PTGER4: variants seen among roughly 807,000 people sequenced by gnomAD.
PTGER4 encodes the protein prostaglandin E receptor 4.
A neutral mutation model predicts 33.2 loss-of-function variants in PTGER4; 11 were observed. The observed-to-expected ratio is 0.33, with a 90% CI of 0.21 to 0.55. PTGER4 has a LOEUF of 0.55. Ranked by LOEUF, PTGER4 falls within the 20% of genes least tolerant of loss-of-function variation. The pLI is 0.92. For synonymous variants in PTGER4, 275 were observed against 281.5 expected (o/e 0.98, Z 0.23); for missense variants, 481 against 650.2 (o/e 0.74, Z 2.83).
At chr5:40,697,583 C>A (rs528625539), downstream of PTGER4, among the ~76,000 whole-genome samples, 79 of 94,724 alleles carry the variant, frequency 8.3e-4, no homozygotes, top group African/African-American at 1.2e-3. Flanking sequence ...AATTCCATCT[C>A]AAAAAAAAAA....
the PTGER4 span, among the ~76,000 whole-genome samples, chr5:40,730,601 C>T: frequency 6.6e-6 from 1 of 152,098 alleles, no homozygotes; most frequent in Non-Finnish European, 1.5e-5. Context: ...CCTCATTGCC[C>T]CCTCCTCCAC....
chr5:40,740,939 T>A, the PTGER4 span, among the ~76,000 whole-genome samples: 1 of 152,360 alleles, frequency 6.6e-6, no homozygotes, highest in East Asian at 1.9e-4. Flanking sequence ...TTCCTTTTTT[T>A]AATATATCTT....
At chr5:40,741,224 C>A in the PTGER4 span, among the ~76,000 whole-genome samples, 1 of 152,146 alleles carries the variant, frequency 6.6e-6, no homozygotes, top group African/African-American at 2.4e-5. Flanking sequence ...TCAGTTTGAA[C>A]CCTTCAAAAA....
At chr5:40,712,338 C>T in the PTGER4 span, among the ~76,000 whole-genome samples, 2 of 152,040 alleles carry the variant, frequency 1.3e-5, no homozygotes, top group Non-Finnish European at 2.9e-5. Context: ...ATGCTTACTT[C>T]GAAATATAAT....
At chr5:40,709,409 A>G in the PTGER4 span, among the ~76,000 whole-genome samples, 1 of 152,234 alleles carries the variant, frequency 6.6e-6, no homozygotes, top group Non-Finnish European at 1.5e-5. Flanking sequence ...ACAGAGCCAA[A>G]TCATGAGTGA....
chr5:40,736,841 T>C, the PTGER4 span, among the ~76,000 whole-genome samples: 3 of 152,136 alleles, frequency 2.0e-5, no homozygotes, highest in Admixed American at 1.3e-4. Context: ...AGTTGGGATT[T>C]GAATGGAGGT....
At chr5:40,684,743 A>C (rs1011588947) in intron 2 of PTGER4, among the ~76,000 whole-genome samples, 1 of 152,220 alleles carries the variant, frequency 6.6e-6, no homozygotes, top group Non-Finnish European at 1.5e-5. Flanking sequence ...TATGATCTAC[A>C]AGGAACATCA....
At chr5:40,738,483 AC>A in the PTGER4 span, among the ~76,000 whole-genome samples, 2 of 138,590 alleles carry the variant, frequency 1.4e-5, no homozygotes, top group African/African-American at 5.4e-5. Context: ...ACAATACAAT[AC>A]AATACAATAC....
the PTGER4 span, among the ~76,000 whole-genome samples, chr5:40,724,853 ATTT>A: frequency 2.8e-4 from 39 of 138,130 alleles, no homozygotes; most frequent in Admixed American, 3.6e-4. Context: ...TTACAAGTGG[ATTT>A]TTTTTTTTTT....
In PTGER4 at chr5:40,680,083, G is replaced by C. The variant is rs1265776830; in HGVS notation, c.-439G>C. ...CCAGTAGCCGCCCGTGCTGCCCGTG[G>C]CTGGGGCGGAGGGCAGCCAGAGCTG... On this transcript the variant is annotated 5_prime_UTR_variant, in exon 1 of 3. Coordinates refer to ENST00000302472, the MANE Select transcript of PTGER4 (RefSeq NM_000958.3). The surrounding 1 kb of genome is among the most constrained non-coding windows in gnomAD (Gnocchi z 5.5). 3 of 152,390 alleles carry C rather than the reference G, an allele frequency of 2.0e-5. No homozygotes were observed. The highest frequency in any genetic ancestry group is 1.3e-4 in the Admixed American group (2 of 15,292). The allele number at this position is 152,390 out of a possible 1,614,324, so 9.4% of individuals were successfully genotyped here. A position where few individuals can be genotyped will look rare whatever the true frequency, so the allele number is the denominator to read the frequency against.
chr5:40,696,976 GAGAGAA>G (rs1265859569), downstream of PTGER4, among the ~76,000 whole-genome samples: 3 of 144,302 alleles, frequency 2.1e-5, no homozygotes, highest in South Asian at 2.2e-4. Context: ...GAAAGAGAGA[GAGAGAA>G]AGAGAGAAAG....
At chr5:40,737,330 T>C in the PTGER4 span, among the ~76,000 whole-genome samples, 1 of 151,678 alleles carries the variant, frequency 6.6e-6, no homozygotes, top group African/African-American at 2.4e-5. Flanking sequence ...GGACTTCTGC[T>C]ACTATCCTAC....
the PTGER4 span, chr5:40,716,363 CT>C: frequency 6.2e-7 from 1 of 1,614,174 alleles, no homozygotes; most frequent in Non-Finnish European, 8.5e-7. Flanking sequence ...GTTACTTCAG[CT>C]GGTGCTTCAC....
chr5:40,738,474 C>A, the PTGER4 span, among the ~76,000 whole-genome samples: 9 of 127,580 alleles, frequency 7.1e-5, no homozygotes, highest in Middle Eastern at 3.4e-3. Flanking sequence ...CAATACAATA[C>A]AATACAATAC....
intron 2 of PTGER4, among the ~76,000 whole-genome samples, chr5:40,682,795 G>A (rs1490809002): frequency 6.6e-6 from 1 of 152,178 alleles, no homozygotes; most frequent in Non-Finnish European, 1.5e-5. Context: ...GCCAGACCCA[G>A]CTCATGTGTT....
rs1382548294 is a variant in PTGER4 at position 40,681,794 on chromosome 5, G to A, written c.801G>A (p.Glu267=). 1 of 1,593,176 alleles carries A rather than the reference G, an allele frequency of 6.3e-7. No individual in the cohort carries two copies. The highest frequency in any genetic ancestry group is 2.3e-5 in the East Asian group (1 of 42,786). The change falls in exon 2 of 3, where the codon GAG becomes GAA. Residue 267 remains glutamate, a synonymous_variant. Coordinates refer to ENST00000302472, the MANE Select transcript of PTGER4 (RefSeq NM_000958.3). This position sits in a 1 kb window ranked among gnomAD's most constrained non-coding sequence, Gnocchi z 9.8. ...GCTTCCGCCGCATCGCGGGCGCCGA[G>A]ATCCAGATGGTCATCTTACTCATTG... The part of the protein sequence containing the change: ...RRSFRRIAGA[E]IQMVILLIAT...
downstream of PTGER4, among the ~76,000 whole-genome samples, chr5:40,697,272 A>AAGAAAGAC (rs1250349104): frequency 7.4e-6 from 1 of 135,700 alleles, no homozygotes; most frequent in African/African-American, 2.6e-5. Context: ...GAAAGAAAGA[A>AAGAAAGAC]AGAAAGAAAG....
the PTGER4 span, among the ~76,000 whole-genome samples, chr5:40,706,474 A>G: frequency 6.6e-5 from 10 of 152,148 alleles, no homozygotes; most frequent in Non-Finnish European, 1.3e-4. Context: ...CCCCAAACCT[A>G]AAATAAAAGT....
At chr5:40,715,879 A>G in the PTGER4 span, 1 of 343,658 alleles carries the variant, frequency 2.9e-6, no homozygotes, top group African/African-American at 2.1e-5. Flanking sequence ...AAATGTATTC[A>G]TTTACATATT....
Sources: gnomAD v4.1 joint callset for allele counts (sites outside exome capture counted in the v4.1 genomes callset) on GRCh38, gnomAD v4.1.1 for gene constraint, Gnocchi (gnomAD v3.1) non-coding constraint, MANE v1.5 for transcripts, NCBI Gene and HGNC (gene_info 2026-07-23, HGNC 2026-07-21) for gene names.